The following LRFN5 variants were observed in gnomAD, a reference collection of about 807,000 sequenced individuals.
The protein encoded by LRFN5 is leucine-rich repeat and fibronectin type-III domain-containing protein 5.
A neutral mutation model predicts 45.6 loss-of-function variants in LRFN5; 24 were observed. That is an observed-to-expected ratio of 0.53 (90% confidence interval 0.38 to 0.74). The LOEUF (loss-of-function observed/expected upper bound fraction) is 0.74. LRFN5 is among the 30% of genes least tolerant of loss of function. The pLI is 0.00. For missense variants in LRFN5, 776 were observed against 861.5 expected (o/e 0.90, Z 1.24); for synonymous variants, 340 against 313.8 (o/e 1.08, Z -0.88).
rs994264646 is a variant in LRFN5, at chr14:41,890,185, T to G, written c.1386-1065T>G. Reference sequence around the variant, plus strand: ...AAAGTATCACTGGAATTAGGTGATATTAGATTTAGGCACTGTCTAAACTCT... The same window carrying G: ...AAAGTATCACTGGAATTAGGTGATAGTAGATTTAGGCACTGTCTAAACTCT... On this transcript the variant is annotated intron_variant, in intron 3 of 5. Transcript: ENST00000298119. Among the ~76,000 whole-genome samples, 3 of 152,102 alleles carry G rather than the reference T, an allele frequency of 2.0e-5. No homozygotes were observed. The East Asian group carries it at 5.8e-4, about 29-fold the overall frequency.
intron 2 of LRFN5, among the ~76,000 whole-genome samples, chr14:41,856,328 T>C (rs1255909741): frequency 1.3e-5 from 2 of 152,228 alleles, no homozygotes; most frequent in African/African-American, 4.8e-5. Context: ...TCCTTGAATA[T>C]ATATTATCCA....
chr14:41,607,956 T>C lies in LRFN5; in HGVS notation c.-803T>C, dbSNP rs1348166346. 6.6e-6 allele frequency: 1 copy of C among 152,170 alleles called. No individual in the cohort carries two copies. Among genetic ancestry groups the C allele is most frequent in the Non-Finnish European group, 1.5e-5 (1 of 68,028 alleles). 9.4% of individuals were successfully genotyped at this position (152,170 alleles called of 1,614,324 possible). On this transcript the variant is annotated 5_prime_UTR_variant, in exon 1 of 6. Coordinates refer to ENST00000298119, the MANE Select transcript of LRFN5 (RefSeq NM_152447.5). ...CAAATAAGGTAATGAGGATTGCTTA[T>C]TAAACTGCTTAACAAAATCCCCGAC... is the stretch of plus-strand genomic sequence containing the variant.
intron 2 of LRFN5, among the ~76,000 whole-genome samples, chr14:41,787,478 T>C (rs1159099980): frequency 6.6e-6 from 1 of 151,576 alleles, no homozygotes; most frequent in African/African-American, 2.4e-5. Flanking sequence ...CCAATTGTTG[T>C]CTCATGTTTG....
chr14:41,808,408 A>G (rs1312665), intron 2 of LRFN5, among the ~76,000 whole-genome samples: 1,550 of 20,496 alleles, frequency 0.076, 158 homozygotes, highest in African/African-American at 0.17. Context: ...AGAAAGGAAG[A>G]AAGGAAGGAA....
chr14:41,736,898 C>T (rs1884461534), intron 1 of LRFN5, among the ~76,000 whole-genome samples: 1 of 152,118 alleles, frequency 6.6e-6, no homozygotes, highest in South Asian at 2.1e-4. Context: ...CAGACAGATT[C>T]ACAGCCAAAT....
At chr14:41,744,896 T>G (rs1884859125) in intron 1 of LRFN5, among the ~76,000 whole-genome samples, 1 of 151,986 alleles carries the variant, frequency 6.6e-6, no homozygotes, top group African/African-American at 2.4e-5. Context: ...AAATATAAAG[T>G]AAAAACTGAT....
intron 1 of LRFN5, among the ~76,000 whole-genome samples, chr14:41,629,109 C>CAA (rs147563801): frequency 7.9e-5 from 12 of 151,594 alleles, no homozygotes; most frequent in African/African-American, 2.9e-4. Context: ...TCTACATTTG[C>CAA]AAAAAAAATA....
intron 5 of LRFN5, among the ~76,000 whole-genome samples, chr14:41,899,986 C>G (rs1196171410): frequency 6.6e-6 from 1 of 151,942 alleles, no homozygotes; most frequent in African/African-American, 2.4e-5. Context: ...TCTCCATCAC[C>G]CCTTTTGTTC....
chr14:41,831,235 C>A (rs887131685), intron 2 of LRFN5, among the ~76,000 whole-genome samples: 1 of 152,126 alleles, frequency 6.6e-6, no homozygotes, highest in African/African-American at 2.4e-5. Context: ...TATTTTTTTA[C>A]TAGCTGAGTC....
At chr14:41,895,744 G>A (rs925297107) in intron 4 of LRFN5, among the ~76,000 whole-genome samples, 9 of 151,618 alleles carry the variant, frequency 5.9e-5, no homozygotes, top group African/African-American at 1.7e-4. Context: ...AGTCAGTGGG[G>A]GTCTCTGTAA....
intron 1 of LRFN5, among the ~76,000 whole-genome samples, chr14:41,724,155 C>T (rs1312590209): frequency 6.6e-6 from 1 of 152,146 alleles, no homozygotes; most frequent in Non-Finnish European, 1.5e-5. Flanking sequence ...ATCTCTTCTC[C>T]TTCTTGAGAT....
intron 1 of LRFN5, among the ~76,000 whole-genome samples, chr14:41,633,964 T>TA (rs1411078105): frequency 6.6e-6 from 1 of 151,988 alleles, no homozygotes; most frequent in Non-Finnish European, 1.5e-5. Context: ...AACAAAGAAA[T>TA]AAAAAAATCC....
intron 1 of LRFN5, among the ~76,000 whole-genome samples, chr14:41,652,558 A>C (rs1410529985): frequency 6.6e-6 from 1 of 152,206 alleles, no homozygotes; most frequent in African/African-American, 2.4e-5. Context: ...AGAGAATAAA[A>C]TAGAAAAATA....
chr14:41,790,603 GT>G (rs1468968363), intron 2 of LRFN5, among the ~76,000 whole-genome samples: 1 of 147,778 alleles, frequency 6.8e-6, no homozygotes, highest in Non-Finnish European at 1.5e-5. Flanking sequence ...GGCTGATTTA[GT>G]TGCAATACAT....
At chr14:41,798,208 C>T (rs1887202186) in intron 2 of LRFN5, among the ~76,000 whole-genome samples, 1 of 151,850 alleles carries the variant, frequency 6.6e-6, no homozygotes. Flanking sequence ...TTGTAGCCAT[C>T]TTCAGATACT....
Position 41,887,829 on chromosome 14 carries a change from A to T in LRFN5, c.1204A>T (p.Lys402Ter). 6.2e-7 allele frequency: 1 copy of T among 1,614,058 alleles called. No homozygotes were observed. Among genetic ancestry groups the T allele is most frequent in the Non-Finnish European group, 8.5e-7 (1 of 1,179,994 alleles). ...PGSSDISTST[K>*]SGSNTSSSNG... ...TTCTTCAGATATCTCAACTTCTACCAAGTCAGGTTCTAATACAAGCAGTAG... is the reference window on the plus strand; with the variant it reads ...TTCTTCAGATATCTCAACTTCTACCTAGTCAGGTTCTAATACAAGCAGTAG... The change falls in exon 3 of 6, where the codon AAG becomes TAG. Residue 402 changes from lysine (K) to a stop codon, truncating the protein, a stop_gained. Coordinates refer to ENST00000298119, the MANE Select transcript of LRFN5 (RefSeq NM_152447.5). LOFTEE classifies it high-confidence loss of function. This position sits in a 1 kb window ranked among gnomAD's most constrained non-coding sequence, Gnocchi z 4.8.
intron 1 of LRFN5, among the ~76,000 whole-genome samples, chr14:41,674,574 C>T (rs1210748085): frequency 1.4e-5 from 2 of 146,716 alleles, no homozygotes; most frequent in Admixed American, 6.7e-5. Flanking sequence ...CACCTCTCTC[C>T]AGGACGGGGC....
chr14:41,893,067 AT>A (rs146692875), intron 4 of LRFN5: 47,985 of 960,804 alleles, frequency 0.05, 2,822 homozygotes, highest in African/African-American at 0.28. Flanking sequence ...CAGATAGTGG[AT>A]TTTTTTTTTC....
chr14:41,796,566 TTTATG>T (rs2138958239), intron 2 of LRFN5, among the ~76,000 whole-genome samples: 1 of 152,112 alleles, frequency 6.6e-6, no homozygotes, highest in Non-Finnish European at 1.5e-5. Context: ...TTTTTATAGT[TTTATG>T]TTATAAGTAC....
Sources: allele counts gnomAD v4.1 joint callset (sites outside exome capture counted in the v4.1 genomes callset), GRCh38; gene constraint gnomAD v4.1.1; non-coding constraint Gnocchi (gnomAD v3.1); transcripts MANE v1.5; gene names NCBI Gene and HGNC (gene_info 2026-07-23, HGNC 2026-07-21).